The following TSPAN18 variants were observed in gnomAD, a reference collection of about 807,000 sequenced individuals.
The protein encoded by TSPAN18 is tetraspanin 18, also known as tetraspanin-18.
A neutral mutation model predicts 27.3 loss-of-function variants in TSPAN18; 14 were observed. The ratio of observed to expected loss-of-function variants is 0.51; its 90% CI spans 0.34 to 0.80. The LOEUF (loss-of-function observed/expected upper bound fraction) is 0.80. Among genes scored for constraint, TSPAN18 ranks in the 30% least tolerant of loss-of-function variants. The pLI is 0.01. For missense variants in TSPAN18, 268 were observed against 323.9 expected (o/e 0.83, Z 1.32); for synonymous variants, 143 against 136.5 (o/e 1.05, Z -0.33).
intron 3 of TSPAN18, among the ~76,000 whole-genome samples, chr11:44,905,790 T>C (rs1240726212): frequency 6.6e-6 from 1 of 152,050 alleles, no homozygotes; most frequent in African/African-American, 2.4e-5. Flanking sequence ...GGTCTCAGAG[T>C]AGAGGTAGCC....
intron 2 of TSPAN18, 143 bp from the exon 3 acceptor site, chr11:44,860,185 C>T (rs1857840489): frequency 6.6e-6 from 1 of 152,152 alleles, no homozygotes; most frequent in African/African-American, 2.4e-5. Flanking sequence ...TGTTGAGTGC[C>T]CAATCCTGAT....
At chr11:44,805,740 C>T (rs1306188212) in intron 2 of TSPAN18, among the ~76,000 whole-genome samples, 2 of 152,186 alleles carry the variant, frequency 1.3e-5, no homozygotes, top group Non-Finnish European at 2.9e-5. Context: ...GTCGTGCTCC[C>T]TCTGAGGCCT....
rs181396012 is a variant in TSPAN18 at position 44,878,486 on chromosome 11, T to C, written c.-11+18017T>C. ...AGAATAAGGGAGTGAAACTAACATT[T>C]ATTATGCAGTATGGGCTGTTGAGCC... On this transcript the variant is annotated intron_variant, in intron 3 of 9. Coordinates refer to ENST00000520358, the MANE Select transcript of TSPAN18 (RefSeq NM_130783.5). 1.8e-3 allele frequency among the ~76,000 whole-genome samples: 273 copies of C among 152,186 alleles called. 1 individual carries two copies. Among genetic ancestry groups the C allele is most frequent in the African/African-American group, 6.2e-3 (259 of 41,524 alleles).
intron 2 of TSPAN18, among the ~76,000 whole-genome samples, chr11:44,801,434 A>G (rs1856477288): frequency 6.6e-6 from 1 of 152,144 alleles, no homozygotes; most frequent in South Asian, 2.1e-4. Context: ...ATTTATAGGT[A>G]TCTCCTTATC....
Position 44,913,722 on chromosome 11 carries a change from A to G in TSPAN18, c.258+3823A>G, listed in dbSNP as rs542394997. On this transcript the variant is annotated intron_variant, in intron 5 of 9. Transcript: ENST00000520358. Reference sequence around the variant, plus strand: ...GAAAAGCCTGGAAATGTTCCCAACTAGACAACATAGCAGTTTCCTCCCCTT... The same window carrying G: ...GAAAAGCCTGGAAATGTTCCCAACTGGACAACATAGCAGTTTCCTCCCCTT... Among the ~76,000 whole-genome samples the G allele has an allele frequency of 2.0e-5, 3 of 152,376 alleles. No homozygotes were observed. The South Asian group carries it at 6.2e-4, about 32-fold the overall frequency.
intron 2 of TSPAN18, among the ~76,000 whole-genome samples, chr11:44,765,062 A>C (rs978435303): frequency 6.6e-6 from 1 of 152,316 alleles, no homozygotes; most frequent in East Asian, 1.9e-4. Context: ...TGAGCTGACC[A>C]TGATTCTGGG....
intron 2 of TSPAN18, among the ~76,000 whole-genome samples, chr11:44,818,880 C>T (rs984523050): frequency 2.6e-5 from 4 of 152,078 alleles, no homozygotes; most frequent in Non-Finnish European, 2.9e-5. Context: ...ACTAACAGCA[C>T]GTGGCCTGAC....
intron 2 of TSPAN18, among the ~76,000 whole-genome samples, chr11:44,772,702 T>C (rs1670316): frequency 0.94 from 142,852 of 152,186 alleles, 67,751 homozygotes; most frequent in East Asian, 1. Context: ...TATTGTTGCC[T>C]GGCTGGAGTG....
intron 1 of TSPAN18, among the ~76,000 whole-genome samples, chr11:44,731,007 A>G (rs887358953): frequency 2.0e-5 from 3 of 152,214 alleles, no homozygotes; most frequent in African/African-American, 7.2e-5. Context: ...TCATCTGGGT[A>G]CTTGTTGTCT....
chr11:44,761,401 G>T (rs1855452137), intron 1 of TSPAN18, among the ~76,000 whole-genome samples: 1 of 152,216 alleles, frequency 6.6e-6, no homozygotes, highest in African/African-American at 2.4e-5. Flanking sequence ...GAGAGGAGGG[G>T]ACTGCAATGA....
At chr11:44,726,840 G>C (rs1163069536), upstream of TSPAN18, 1 of 84,334 alleles carries the variant, frequency 1.2e-5, no homozygotes, top group East Asian at 2.4e-4. Context: ...GAGGAGACGC[G>C]CTTCTCGGCA....
chr11:44,752,870 T>C (rs563330935), intron 1 of TSPAN18, among the ~76,000 whole-genome samples: 1 of 152,158 alleles, frequency 6.6e-6, no homozygotes, highest in Non-Finnish European at 1.5e-5. Context: ...GTTTATCTGT[T>C]TTACTAGCCA....
intron 2 of TSPAN18, among the ~76,000 whole-genome samples, chr11:44,821,627 G>A (rs1856930443): frequency 6.6e-6 from 1 of 152,178 alleles, no homozygotes; most frequent in Non-Finnish European, 1.5e-5. Context: ...CTCTGAGCCT[G>A]AGTTTTCTCA....
At chr11:44,897,440 A>G (rs776818923) in intron 3 of TSPAN18, among the ~76,000 whole-genome samples, 30 of 152,314 alleles carry the variant, frequency 2.0e-4, no homozygotes, top group Non-Finnish European at 2.9e-4. Flanking sequence ...CTCCCAGGCC[A>G]TCAGCCTCAT....
chr11:44,877,236 G>T (rs898146461), intron 3 of TSPAN18, among the ~76,000 whole-genome samples: 2 of 152,246 alleles, frequency 1.3e-5, no homozygotes, highest in African/African-American at 4.8e-5. Context: ...GGCTGGGGCG[G>T]GAGCCCGATG....
intron 3 of TSPAN18, among the ~76,000 whole-genome samples, chr11:44,878,895 TTG>T (rs10534704): frequency 0.41 from 61,809 of 151,708 alleles, 13,944 homozygotes; most frequent in Non-Finnish European, 0.51. Flanking sequence ...AGCTTCCCCA[TTG>T]TGTGTGATGT....
At chr11:44,854,223 G>T in intron 2 of TSPAN18, among the ~76,000 whole-genome samples, 2 of 148,970 alleles carry the variant, frequency 1.3e-5, no homozygotes, top group Non-Finnish European at 3.0e-5. Context: ...TTGTGTGCGT[G>T]TGATGTGGGT....
At chr11:44,857,132 A>G (rs1393700752) in intron 2 of TSPAN18, among the ~76,000 whole-genome samples, 1 of 152,232 alleles carries the variant, frequency 6.6e-6, no homozygotes, top group Non-Finnish European at 1.5e-5. Context: ...AGGTGGGGAA[A>G]GAGGGACTTA....
intron 1 of TSPAN18, among the ~76,000 whole-genome samples, chr11:44,742,801 G>A (rs945656104): frequency 2.0e-5 from 3 of 152,190 alleles, no homozygotes; most frequent in Admixed American, 1.3e-4. Flanking sequence ...TCCAGCACCC[G>A]ACTCCTCATC....
Sources: gnomAD v4.1 joint callset for allele counts (sites outside exome capture counted in the v4.1 genomes callset) on GRCh38, gnomAD v4.1.1 for gene constraint, MANE v1.5 for transcripts, NCBI Gene and HGNC (gene_info 2026-07-23, HGNC 2026-07-21) for gene names.